The following EML6 variants were observed in gnomAD, a reference collection of about 807,000 sequenced individuals.
EML6 encodes the protein EMAP like 6.
EML6 carries 154 observed loss-of-function variants against 240.1 expected under a neutral mutation model. The ratio of observed to expected loss-of-function variants is 0.64; its 90% CI spans 0.56 to 0.73. The LOEUF (loss-of-function observed/expected upper bound fraction) is 0.73, where lower values mean the gene tolerates loss of function less well. Among genes scored for constraint, EML6 ranks in the 30% least tolerant of loss-of-function variants. The pLI, the probability that EML6 is intolerant of heterozygous loss-of-function variation, is 0.00. For synonymous variants in EML6, 1,148 were observed against 899.0 expected (o/e 1.28, Z -4.95); for missense variants, 2,964 against 2,474.6 (o/e 1.20, Z -4.20).
At position 54,916,908 on chromosome 2, in the gene EML6, C is replaced by G; in HGVS notation, c.3648C>G (p.Phe1216Leu). ...TAGCCACCGGAGATGATTTTGGTTT[C>G]GTTAAGCTTTTTTCATATCCTGTCA... ...SLLATGDDFG[F>L]VKLFSYPVKG... Residue 1216 changes from phenylalanine (F) to leucine (L), a missense_variant, in exon 26 of 42, where the codon TTC (phenylalanine) becomes TTG (leucine). Coordinates refer to ENST00000356458, the MANE Select transcript of EML6 (RefSeq NM_001039753.4). The G allele has an allele frequency of 6.5e-7, 1 of 1,547,398 alleles. No individual in the cohort carries two copies. Among genetic ancestry groups the G allele is most frequent in the South Asian group, 1.2e-5 (1 of 83,834 alleles).
intron 21 of EML6, among the ~76,000 whole-genome samples, chr2:54,896,540 G>A (rs573247352): frequency 1.3e-5 from 2 of 152,326 alleles, no homozygotes; most frequent in South Asian, 2.1e-4. Flanking sequence ...GCCCAGTTTG[G>A]TGATGGATAA....
chr2:54,810,949 T>C (rs1023950367), intron 2 of EML6, among the ~76,000 whole-genome samples: 8 of 152,188 alleles, frequency 5.3e-5, no homozygotes, highest in East Asian at 1.9e-4. Context: ...CAAACTTTAC[T>C]GTAGCCAGGC....
chr2:54,871,242 T>C (rs535169951), intron 15 of EML6, among the ~76,000 whole-genome samples: 2 of 152,300 alleles, frequency 1.3e-5, no homozygotes, highest in South Asian at 4.1e-4. Context: ...AGTGGACATT[T>C]GAATTAGCCT....
Position 54,970,886 on chromosome 2 carries a change from G to A in EML6, c.*791G>A, listed in dbSNP as rs1676960295. The A allele has an allele frequency of 6.6e-6, 1 of 152,228 alleles. No homozygotes were observed. 9.4% of individuals were successfully genotyped at this position (152,228 alleles called of 1,614,324 possible). On this transcript the variant is annotated 3_prime_UTR_variant, in exon 42 of 42. Coordinates refer to ENST00000356458, the MANE Select transcript of EML6 (RefSeq NM_001039753.4). ...TGCTTATGGGAAGGTGAGCAGCAAAGGAATTGAAGTTCGGGACAGGGTAGA... is the reference window on the plus strand; with the variant it reads ...TGCTTATGGGAAGGTGAGCAGCAAAAGAATTGAAGTTCGGGACAGGGTAGA...
Position 54,844,168 on chromosome 2 carries a change from C to T in EML6, c.969C>T (p.His323=). The T allele has an allele frequency of 6.4e-7, 1 of 1,551,724 alleles. No individual in the cohort carries two copies. Among genetic ancestry groups the T allele is most frequent in the Non-Finnish European group, 8.7e-7 (1 of 1,146,988 alleles). ...AGCCGATGTTGATCCTACAGGGCCA[C>T]TGCGAGGGTGAGCTCTGGGCTCTGG... The part of the protein sequence containing the change: ...RDKPMLILQG[H]CEGELWALAL... Residue 323 remains histidine, a synonymous_variant, in exon 8 of 42, where the codon CAC becomes CAT. Transcript: ENST00000356458.
At position 54,853,737 on chromosome 2, in the gene EML6, C is replaced by G. The variant is rs770755313; in HGVS notation, c.1539C>G (p.Pro513=). ...GCCCTGAAGTGAGTGGAATTTGGCCCAAATACACTGAGGTTACTGACATCA... is the reference window on the plus strand; with the variant it reads ...GCCCTGAAGTGAGTGGAATTTGGCCGAAATACACTGAGGTTACTGACATCA... The part of the protein sequence containing the change: ...VKGPEVSGIW[P]KYTEVTDINS... The change falls in exon 11 of 42, where the codon CCC becomes CCG. Residue 513 remains proline (P), a synonymous_variant. Coordinates refer to ENST00000356458, the MANE Select transcript of EML6 (RefSeq NM_001039753.4). 133 of 1,551,400 alleles carry G rather than the reference C, an allele frequency of 8.6e-5. No homozygotes were observed. The highest frequency in any genetic ancestry group is 8.4e-4 in the Admixed American group (43 of 50,974).
chr2:54,744,693 G>A (rs1346646701), intron 2 of EML6, among the ~76,000 whole-genome samples: 1 of 151,998 alleles, frequency 6.6e-6, no homozygotes, highest in African/African-American at 2.4e-5. Flanking sequence ...GGGTCAGTTA[G>A]GGGAGAGAGG....
At chr2:54,937,289 A>AT (rs910104597) in intron 28 of EML6, among the ~76,000 whole-genome samples, 1 of 150,598 alleles carries the variant, frequency 6.6e-6, no homozygotes, top group African/African-American at 2.4e-5. Context: ...AAAAAAAAAA[A>AT]AGAAGAAGTC....
At chr2:54,837,156 A>G (rs1669195717) in intron 7 of EML6, among the ~76,000 whole-genome samples, 2 of 152,078 alleles carry the variant, frequency 1.3e-5, no homozygotes. Context: ...CATCCTTAAT[A>G]AGGTTAGGTT....
chr2:54,818,166 A>G (rs1025372027), intron 4 of EML6, among the ~76,000 whole-genome samples: 1 of 152,172 alleles, frequency 6.6e-6, no homozygotes, highest in Non-Finnish European at 1.5e-5. Flanking sequence ...AAAAGTAGAA[A>G]ACTAAAGTTA....
intron 28 of EML6, among the ~76,000 whole-genome samples, chr2:54,944,346 T>G (rs907135762): frequency 6.6e-6 from 1 of 152,178 alleles, no homozygotes; most frequent in African/African-American, 2.4e-5. Flanking sequence ...AAACTGGTAT[T>G]GCCCTTGAGT....
chr2:54,848,203 A>C (rs1034092228), intron 9 of EML6, among the ~76,000 whole-genome samples: 1 of 152,212 alleles, frequency 6.6e-6, no homozygotes, highest in Non-Finnish European at 1.5e-5. Flanking sequence ...GACATCCTAT[A>C]TACTTTTTAC....
At chr2:54,793,634 G>T (rs747465664) in intron 2 of EML6, among the ~76,000 whole-genome samples, 1 of 152,116 alleles carries the variant, frequency 6.6e-6, no homozygotes, top group South Asian at 2.1e-4. Context: ...CCCTTCCTTA[G>T]CAACAGTACC....
intron 38 of EML6, among the ~76,000 whole-genome samples, chr2:54,965,629 A>C (rs371955767): frequency 2.6e-5 from 4 of 152,122 alleles, no homozygotes; most frequent in African/African-American, 9.7e-5. Flanking sequence ...GTCAGAGATG[A>C]AATCATAGGG....
chr2:54,934,960 C>G (rs747635679), intron 28 of EML6, among the ~76,000 whole-genome samples: 20 of 152,200 alleles, frequency 1.3e-4, no homozygotes, highest in Non-Finnish European at 2.5e-4. Flanking sequence ...ACTTGTCACT[C>G]TGCCCTCATT....
intron 28 of EML6, among the ~76,000 whole-genome samples, chr2:54,940,367 G>T (rs770835084): frequency 3.3e-5 from 5 of 151,870 alleles, no homozygotes; most frequent in African/African-American, 9.7e-5. Context: ...GATTTTTTTT[G>T]TTTGTTTTGG....
chr2:54,813,119 C>A, intron 2 of EML6, 113 bp from the exon 3 acceptor site: 1 of 762,312 alleles, frequency 1.3e-6, no homozygotes, highest in Non-Finnish European at 2.1e-6. Context: ...AGTTCAGACT[C>A]TTTCTCTTGA....
intron 2 of EML6, among the ~76,000 whole-genome samples, chr2:54,810,198 AC>A (rs886564022): frequency 1.8e-4 from 28 of 152,290 alleles, no homozygotes; most frequent in African/African-American, 6.7e-4. Context: ...GTGTGAAGGA[AC>A]TTCTGGCAAG....
intron 2 of EML6, among the ~76,000 whole-genome samples, chr2:54,801,319 G>GA (rs35189000): frequency 0.019 from 1,834 of 94,814 alleles, 35 homozygotes; most frequent in African/African-American, 0.062. Flanking sequence ...TGTCTCAAAA[G>GA]AAAAAAAAAA....
Sources: allele counts gnomAD v4.1 joint callset (sites outside exome capture counted in the v4.1 genomes callset), GRCh38; gene constraint gnomAD v4.1.1; transcripts MANE v1.5; gene names NCBI Gene and HGNC (gene_info 2026-07-23, HGNC 2026-07-21).